Variants in TBC1D17 observed in about 807,000 individuals in gnomAD.
TBC1D17 encodes the protein TBC1 domain family member 17.
Under a neutral mutation model 78.8 loss-of-function variants are expected in TBC1D17, and 69 were observed. The observed-to-expected ratio is 0.88, with a 90% CI of 0.72 to 1.07. The LOEUF (loss-of-function observed/expected upper bound fraction) is 1.07, where lower values mean the gene tolerates loss of function less well. TBC1D17 is among the 50% of genes least tolerant of loss of function. The pLI, the probability that TBC1D17 is intolerant of heterozygous loss-of-function variation, is 0.00. For synonymous variants in TBC1D17, 456 were observed against 358.3 expected, an observed-to-expected ratio of 1.27 and a Z score of -3.08; for missense variants, 957 against 861.0, an observed-to-expected ratio of 1.11 and a Z score of -1.39.
intron 7 of TBC1D17, 66 bp from the exon 8 acceptor site, chr19:49,882,698 C>G: frequency 6.9e-7 from 1 of 1,459,540 alleles, no homozygotes; most frequent in Non-Finnish European, 9.0e-7. Flanking sequence ...AGCTTGTGGA[C>G]TGAGGCTGGG....
intron 2 of TBC1D17, 94 bp from the exon 3 acceptor site, chr19:49,878,404 G>A (rs1198554096): frequency 7.3e-7 from 1 of 1,365,504 alleles, no homozygotes. Context: ...AAAGGCTGAG[G>A]GTAGAAACTG....
Position 49,888,716 on chromosome 19 carries a change from A to T in TBC1D17, c.*92A>T. ...GGTGTGCTCCGCCGCCCTGCTGATA[A>T]GCTGGCTTCATTAAACTGACACTTC... On this transcript the variant is annotated 3_prime_UTR_variant, in exon 17 of 17. Transcript: ENST00000221543. 8.3e-7 allele frequency: 1 copy of T among 1,202,632 alleles called. No individual in the cohort carries two copies. The highest frequency in any genetic ancestry group is 1.1e-6 in the Non-Finnish European group (1 of 884,676). 74.5% of individuals were successfully genotyped at this position (1,202,632 alleles called of 1,614,324 possible).
chr19:49,878,078 C>T (rs2074974306), intron 1 of TBC1D17, 65 bp from the exon 2 acceptor site: 1 of 1,362,690 alleles, frequency 7.3e-7, no homozygotes, highest in Non-Finnish European at 1.0e-6. Context: ...GGGCCCGTCC[C>T]TATTGGCTCC....
At chr19:49,884,943 G>A (rs1470264186) in intron 13 of TBC1D17, among the ~76,000 whole-genome samples, 185 bp downstream of exon 13, 3 of 152,196 alleles carry the variant, frequency 2.0e-5, no homozygotes, top group Admixed American at 6.5e-5. Context: ...ATGCAGACAC[G>A]CAGGAATGCT....
rs750183708 is a variant in TBC1D17, at chr19:49,883,674, T to C, written c.1055T>C (p.Leu352Pro). 1.2e-6 allele frequency: 2 copies of C among 1,613,952 alleles called. No individual in the cohort carries two copies. Among genetic ancestry groups the C allele is most frequent in the East Asian group, 4.5e-5 (2 of 44,884 alleles). Residue 352 changes from leucine (L) to proline (P), a missense_variant, in exon 10 of 17, where the codon CTG (leucine) becomes CCG (proline). Transcript: ENST00000221543. ...KKTDEYFRMKLQWKSVSPEQE... is the reference protein window; with the variant it reads ...KKTDEYFRMKPQWKSVSPEQE... The stretch of plus-strand genomic sequence containing the variant: ...AGGGATGAGTATTTCCGCATGAAGC[T>C]GCAGTGGAAATCTGTGAGCCCTGAG...
chr19:49,884,579 T>C lies in TBC1D17; in HGVS notation c.1344+20T>C. 6.2e-7 allele frequency: 1 copy of C among 1,613,692 alleles called. No homozygotes were observed. The highest frequency in any genetic ancestry group is 8.5e-7 in the Non-Finnish European group (1 of 1,179,636). On this transcript the variant is annotated intron_variant, in intron 12 of 16. Transcript: ENST00000221543. ...CTCGTGGTGAGGCTTGGGTCAGGGG[T>C]GGGACACAGGCCTATCGAGCGATCA...
intron 2 of TBC1D17, 85 bp from the exon 3 acceptor site, chr19:49,878,413 T>TG: frequency 7.1e-7 from 1 of 1,415,148 alleles, no homozygotes; most frequent in Non-Finnish European, 1.0e-6. Context: ...GGGTAGAAAC[T>TG]GGGAAAGTTT....
chr19:49,877,863 C>G (rs2074969632), intron 1 of TBC1D17, 119 bp downstream of exon 1: 6 of 1,250,318 alleles, frequency 4.8e-6, no homozygotes, highest in Middle Eastern at 1.9e-4. Context: ...AAACACCGAT[C>G]TCTTATAAAC....
rs199792173 is a variant in TBC1D17 at position 49,882,805 on chromosome 19, A to G, written c.840A>G (p.Pro280=). The G allele has an allele frequency of 1.9e-4, 301 of 1,605,568 alleles. 1 individual carries two copies. The highest frequency in any genetic ancestry group is 1.6e-5 in the Non-Finnish European group (19 of 1,176,056). The change falls in exon 8 of 17, where the codon CCA becomes CCG. Residue 280 remains proline (P), a synonymous_variant. Transcript: ENST00000221543. Reference sequence around the variant, plus strand: ...GGCCAACCGTGGAGCGGGGCCCTCCAGTTACAGAGGAGGAGTGGGCACGCC... The same window carrying G: ...GGCCAACCGTGGAGCGGGGCCCTCCGGTTACAGAGGAGGAGTGGGCACGCC... The part of the protein sequence containing the change: ...GPRPTVERGP[P]VTEEEWARHV...
At chr19:49,887,879 C>CA in intron 15 of TBC1D17, 45 bp downstream of exon 15, 1 of 1,508,158 alleles carries the variant, frequency 6.6e-7, no homozygotes, top group Non-Finnish European at 9.1e-7. Context: ...CTGAGCTGGG[C>CA]GCTGCCCAGG....
intron 13 of TBC1D17, chr19:49,886,714 A>T (rs1328675608): frequency 6.6e-6 from 1 of 152,158 alleles, no homozygotes; most frequent in Non-Finnish European, 1.5e-5. Context: ...CTCCGTTGTT[A>T]CTTTCCTCAA....
chr19:49,878,361 G>T, intron 2 of TBC1D17, 120 bp downstream of exon 2: 1 of 1,236,640 alleles, frequency 8.1e-7, no homozygotes, highest in Non-Finnish European at 1.2e-6. Flanking sequence ...AAGAAGGCTG[G>T]GTGTGGGAAC....
chr19:49,882,752 C>A lies in TBC1D17; in HGVS notation c.799-12C>A. 1 of 1,549,104 alleles carries A rather than the reference C, an allele frequency of 6.5e-7. No individual in the cohort carries two copies. Among genetic ancestry groups the A allele is most frequent in the Non-Finnish European group, 8.7e-7 (1 of 1,148,018 alleles). Reference sequence around the variant, plus strand: ...CCGCCGAGCCCCAGGCTCATTTGCTCTTTGCCTGCAGGTGGAGCTGGGGCC... The same window carrying A: ...CCGCCGAGCCCCAGGCTCATTTGCTATTTGCCTGCAGGTGGAGCTGGGGCC... On this transcript the variant is annotated splice_polypyrimidine_tract_variant and intron_variant, in intron 7 of 16. Coordinates refer to ENST00000221543, the MANE Select transcript of TBC1D17 (RefSeq NM_024682.3).
intron 11 of TBC1D17, 41 bp from the exon 12 acceptor site, chr19:49,884,418 C>T (rs746844668): frequency 6.8e-6 from 11 of 1,613,344 alleles, no homozygotes; most frequent in South Asian, 6.6e-5. Context: ...TCCAGGGGAG[C>T]GCTGCGGGCT....
At position 49,880,281 on chromosome 19, in the gene TBC1D17, C is replaced by G; in HGVS notation, c.198C>G (p.Asp66Glu). ...DSTQILFSKKDSSGGDSCASE... is the reference protein window; with the variant it reads ...DSTQILFSKKESSGGDSCASE... ...GTCTGCTCCTTTCCTCTCCTAAGGACTCCAGTGGGGGTGACTCATGTGCTT... is the reference window on the plus strand; with the variant it reads ...GTCTGCTCCTTTCCTCTCCTAAGGAGTCCAGTGGGGGTGACTCATGTGCTT... The change falls in exon 4 of 17, where the codon GAC (aspartate) becomes GAG (glutamate). Residue 66 changes from aspartate (D) to glutamate (E), a missense_variant and splice_region_variant. By Grantham distance (45) the Asp-to-Glu change is conservative (BLOSUM62 2). Transcript: ENST00000221543. 2 of 1,614,056 alleles carry G rather than the reference C, an allele frequency of 1.2e-6. No individual in the cohort carries two copies. Among genetic ancestry groups the G allele is most frequent in the Non-Finnish European group, 8.5e-7 (1 of 1,179,958 alleles).
intron 13 of TBC1D17, chr19:49,885,456 A>AT (rs2075050813): frequency 6.6e-6 from 1 of 151,144 alleles, no homozygotes; most frequent in African/African-American, 2.4e-5. Context: ...TCTCAAAAAA[A>AT]AAAAAAAAAA....
At chr19:49,883,893 TG>T (rs912847416) in intron 10 of TBC1D17, 148 bp downstream of exon 10, 11 of 710,406 alleles carry the variant, frequency 1.5e-5, no homozygotes, top group Non-Finnish European at 2.7e-5. Context: ...CATGGGCTGT[TG>T]GGGAATGGCC....
At position 49,883,692 on chromosome 19, in the gene TBC1D17, G is replaced by A; in HGVS notation, c.1073G>A (p.Ser358Asn). 1.2e-6 allele frequency: 2 copies of A among 1,614,026 alleles called. No homozygotes were observed. The highest frequency in any genetic ancestry group is 1.7e-6 in the Non-Finnish European group (2 of 1,179,972). The change falls in exon 10 of 17, where the codon AGC becomes AAC. Residue 358 changes from serine to asparagine, a missense_variant. Physicochemically the swap from Ser to Asn is conservative, Grantham distance 46 (BLOSUM62 1). Coordinates refer to ENST00000221543, the MANE Select transcript of TBC1D17 (RefSeq NM_024682.3). Reference sequence around the variant, plus strand: ...ATGAAGCTGCAGTGGAAATCTGTGAGCCCTGAGCAGGAGCGGAGAAACTCA... The same window carrying A: ...ATGAAGCTGCAGTGGAAATCTGTGAACCCTGAGCAGGAGCGGAGAAACTCA... ...FRMKLQWKSV[S>N]PEQERRNSLL...
Position 49,887,899 on chromosome 19 carries a change from C to T in TBC1D17, c.1659+65C>T, listed in dbSNP as rs965750470. On this transcript the variant is annotated intron_variant, in intron 15 of 16. Coordinates refer to ENST00000221543, the MANE Select transcript of TBC1D17 (RefSeq NM_024682.3). Reference sequence around the variant, plus strand: ...CTGGGCGCTGCCCAGGGCCGCAGTACCTCCGGGGAGCAGGTGTTTAGTGTG... The same window carrying T: ...CTGGGCGCTGCCCAGGGCCGCAGTATCTCCGGGGAGCAGGTGTTTAGTGTG... The T allele has an allele frequency of 6.8e-6, 9 of 1,329,372 alleles. No individual in the cohort carries two copies. The Admixed American group carries it at 1.3e-4, about 19-fold the overall frequency. 82.3% of individuals were successfully genotyped at this position (1,329,372 alleles called of 1,614,324 possible).
Sources: allele counts gnomAD v4.1 joint callset (sites outside exome capture counted in the v4.1 genomes callset), GRCh38; gene constraint gnomAD v4.1.1; transcripts MANE v1.5; gene names NCBI Gene and HGNC (gene_info 2026-07-23, HGNC 2026-07-21).